ERC1: variants seen among roughly 807,000 people sequenced by gnomAD.
ERC1 encodes RAB6 interacting protein 2.
ERC1 carries 56 observed loss-of-function variants against 132.0 expected under a neutral mutation model. That is an observed-to-expected ratio of 0.42 (90% CI 0.34 to 0.53). The LOEUF (loss-of-function observed/expected upper bound fraction) is 0.53. Ranked by LOEUF, ERC1 falls within the 20% of genes least tolerant of loss-of-function variation. ERC1 has a pLI of 0.03. For synonymous variants in ERC1, 478 were observed against 476.1 expected (o/e 1.00, Z -0.05); for missense variants, 1,202 against 1,349.9 (o/e 0.89, Z 1.72).
chr12:1,335,904 T>C (rs1413599905), intron 15 of ERC1, among the ~76,000 whole-genome samples: 1 of 152,110 alleles, frequency 6.6e-6, no homozygotes, highest in African/African-American at 2.4e-5. Flanking sequence ...GTTGGTTGGT[T>C]GGTTGGTTGG....
intron 12 of ERC1, among the ~76,000 whole-genome samples, chr12:1,221,442 T>G (rs1011539831): frequency 3.3e-5 from 5 of 152,198 alleles, no homozygotes; most frequent in African/African-American, 1.2e-4. Context: ...TCCTGCAGTT[T>G]CCTTGCTGAT....
chr12:1,034,998 C>T (rs1173116853), intron 2 of ERC1, among the ~76,000 whole-genome samples: 6 of 152,244 alleles, frequency 3.9e-5, no homozygotes, highest in South Asian at 2.1e-4. Context: ...ATGCATTCTC[C>T]GTATACCCAC....
chr12:1,081,193 C>G (rs545069364), intron 2 of ERC1, among the ~76,000 whole-genome samples: 11 of 152,050 alleles, frequency 7.2e-5, no homozygotes, highest in Non-Finnish European at 1.3e-4. Context: ...GATGTCACAG[C>G]CTTTTGGAAT....
At chr12:1,484,160 C>T (rs2094156156) in intron 18 of ERC1, among the ~76,000 whole-genome samples, 1 of 151,876 alleles carries the variant, frequency 6.6e-6, no homozygotes, top group African/African-American at 2.4e-5. Context: ...AAAAAATTAG[C>T]CGAGCGTGGT....
chr12:1,280,204 G>A (rs375960932), intron 14 of ERC1, among the ~76,000 whole-genome samples: 3 of 152,096 alleles, frequency 2.0e-5, no homozygotes, highest in African/African-American at 7.2e-5. Context: ...TCCAAGATAC[G>A]GCTGAAAGTA....
At chr12:995,378 A>G (rs936230537) in intron 1 of ERC1, among the ~76,000 whole-genome samples, 1 of 152,110 alleles carries the variant, frequency 6.6e-6, no homozygotes, top group African/African-American at 2.4e-5. Context: ...TTTTGTATGT[A>G]TTTTGAGGGT....
intron 2 of ERC1, among the ~76,000 whole-genome samples, chr12:1,066,270 A>G (rs1421616804): frequency 6.6e-6 from 1 of 152,218 alleles, no homozygotes; most frequent in Non-Finnish European, 1.5e-5. Context: ...TGTGTTGAGG[A>G]TTTACCGGGA....
intron 7 of ERC1, among the ~76,000 whole-genome samples, chr12:1,126,628 G>C (rs1262926441): frequency 3.9e-5 from 6 of 152,198 alleles, no homozygotes; most frequent in Admixed American, 6.5e-5. Context: ...AAAGCTAACA[G>C]ATGAGATTGG....
intron 15 of ERC1, among the ~76,000 whole-genome samples, chr12:1,330,950 A>C (rs533913571): frequency 6.6e-6 from 1 of 152,190 alleles, no homozygotes; most frequent in East Asian, 1.9e-4. Context: ...CATTCAATGT[A>C]CTGTCCCCTG....
chr12:1,030,876 A>G (rs1440699942), intron 2 of ERC1, among the ~76,000 whole-genome samples: 2 of 152,222 alleles, frequency 1.3e-5, no homozygotes, highest in African/African-American at 2.4e-5. Flanking sequence ...GCCTAGAAGC[A>G]GTAGGCTATA....
chr12:1,165,472 A>AT (rs1952319358), intron 8 of ERC1, among the ~76,000 whole-genome samples: 1 of 151,712 alleles, frequency 6.6e-6, no homozygotes, highest in South Asian at 2.1e-4. Context: ...TGCCCGGCGA[A>AT]TTTTTTTGTA....
At chr12:1,473,701 A>G (rs1390783687) in intron 18 of ERC1, among the ~76,000 whole-genome samples, 3 of 151,274 alleles carry the variant, frequency 2.0e-5, no homozygotes, top group Non-Finnish European at 4.4e-5. Flanking sequence ...AGCCATTACC[A>G]CTTCCGGCCC....
At chr12:1,143,014 T>G (rs1263520438) in intron 8 of ERC1, among the ~76,000 whole-genome samples, 2 of 152,170 alleles carry the variant, frequency 1.3e-5, no homozygotes, top group African/African-American at 4.8e-5. Flanking sequence ...TTCCCCTGTC[T>G]CAGCCTCCCA....
At chr12:1,391,131 T>G (rs939064497) in intron 16 of ERC1, 1 of 152,274 alleles carries the variant, frequency 6.6e-6, no homozygotes, top group Admixed American at 6.5e-5. Context: ...TGAGTGATTC[T>G]CAGTTGAAAC....
chr12:1,040,152 AAG>A (rs747985672), intron 2 of ERC1, among the ~76,000 whole-genome samples: 1 of 152,202 alleles, frequency 6.6e-6, no homozygotes, highest in African/African-American at 2.4e-5. Flanking sequence ...CTTTGGGAAA[AAG>A]AGAAATATTA....
rs1439768590 is a variant in ERC1, at chr12:1,122,529, ATCTCTATCTCTATCTGTG to A, written c.1569+6512_1569+6529del. On this transcript the variant is annotated intron_variant, in intron 7 of 18. Coordinates refer to ENST00000360905, the MANE Select transcript of ERC1 (RefSeq NM_178040.4). Reference sequence around the variant, plus strand: ...TATCTCTATCTGTGTCTCTATCTCTATCTCTATCTCTATCTGTGTCTCTATCTCTATCTCTATCTGTGT... The same window carrying A: ...TATCTCTATCTGTGTCTCTATCTCTATCTCTATCTCTATCTCTATCTGTGT... Among the ~76,000 whole-genome samples, 25 of 40,228 alleles carry A rather than the reference ATCTCTATCTCTATCTGTG, an allele frequency of 6.2e-4. 5 individuals are homozygous for A. The highest frequency in any genetic ancestry group is 1.8e-3 in the African/African-American group (19 of 10,396). The allele number at this position is 40,228 out of a possible 152,430, so 26.4% of individuals were successfully genotyped here.
At chr12:1,138,235 TATA>T (rs1354712297) in intron 7 of ERC1, among the ~76,000 whole-genome samples, 4 of 126,788 alleles carry the variant, frequency 3.2e-5, no homozygotes, top group East Asian at 2.1e-4. Context: ...TCATGTATAA[TATA>T]ATTACAATAT....
At position 1,490,778 on chromosome 12, in the gene ERC1, C is replaced by T; in HGVS notation, c.*548C>T. 1 of 234,098 alleles carries T rather than the reference C, an allele frequency of 4.3e-6. No homozygotes were observed. Among genetic ancestry groups the T allele is most frequent in the Non-Finnish European group, 8.4e-6 (1 of 118,612 alleles). The allele number at this position is 234,098 out of a possible 1,614,324, so 14.5% of individuals were successfully genotyped here. A position where few individuals can be genotyped will look rare whatever the true frequency, so the allele number is the denominator to read the frequency against. On this transcript the variant is annotated 3_prime_UTR_variant, in exon 19 of 19. Transcript: ENST00000360905. ...ACTCTTCTTTTTACTGTCTCTTCTGCTTACTTTCCACATGAGATGCTTTGT... is the reference window on the plus strand; with the variant it reads ...ACTCTTCTTTTTACTGTCTCTTCTGTTTACTTTCCACATGAGATGCTTTGT...
chr12:1,308,911 G>A (rs934177606), intron 15 of ERC1, among the ~76,000 whole-genome samples: 1 of 152,200 alleles, frequency 6.6e-6, no homozygotes, highest in Non-Finnish European at 1.5e-5. Flanking sequence ...GCCTTTGGGA[G>A]TGATTAGGTC....
Sources: allele counts gnomAD v4.1 joint callset (sites outside exome capture counted in the v4.1 genomes callset), GRCh38; gene constraint gnomAD v4.1.1; transcripts MANE v1.5; gene names NCBI Gene and HGNC (gene_info 2026-07-23, HGNC 2026-07-21).